The following MYO5A variants were observed in gnomAD, a reference collection of about 807,000 sequenced individuals.
MYO5A encodes the protein myosin VA.
MYO5A carries 98 observed loss-of-function variants against 249.7 expected under a neutral mutation model. The ratio of observed to expected loss-of-function variants is 0.39; its 90% CI spans 0.33 to 0.46. MYO5A has a LOEUF of 0.46. Among genes scored for constraint, MYO5A ranks in the 20% least tolerant of loss-of-function variants. The pLI is 0.98. For synonymous variants in MYO5A, 778 were observed against 810.6 expected (o/e 0.96, Z 0.68); for missense variants, 1,696 against 2,308.8 (o/e 0.73, Z 5.44).
intron 8 of MYO5A, among the ~76,000 whole-genome samples, chr15:52,405,665 C>T (rs1172069570): frequency 6.6e-6 from 1 of 152,166 alleles, no homozygotes; most frequent in Non-Finnish European, 1.5e-5. Context: ...GGACAGGTAG[C>T]TTCAGTATTC....
At chr15:52,513,448 T>TGG in intron 1 of MYO5A, among the ~76,000 whole-genome samples, 1 of 138,204 alleles carries the variant, frequency 7.2e-6, no homozygotes, top group Non-Finnish European at 1.6e-5. Context: ...AAAAAAGGCA[T>TGG]AGTTTTGCTC....
intron 20 of MYO5A, among the ~76,000 whole-genome samples, chr15:52,374,102 T>C (rs891972518): frequency 6.6e-6 from 1 of 152,182 alleles, no homozygotes; most frequent in African/African-American, 2.4e-5. Context: ...TATTTCTCAC[T>C]GATTTGAAAT....
intron 1 of MYO5A, among the ~76,000 whole-genome samples, chr15:52,438,361 A>G (rs1037349675): frequency 3.3e-5 from 5 of 152,206 alleles, no homozygotes; most frequent in African/African-American, 9.6e-5. Flanking sequence ...GGAATCAGAA[A>G]CAAGGATAGA....
At chr15:52,362,428 T>C (rs1184349522) in intron 24 of MYO5A, among the ~76,000 whole-genome samples, 8 of 152,266 alleles carry the variant, frequency 5.3e-5, no homozygotes, top group Admixed American at 5.2e-4. Context: ...ACTAATATTT[T>C]AATTGTCATG....
chr15:52,525,351 G>A (rs1248552965), intron 1 of MYO5A, among the ~76,000 whole-genome samples: 5 of 152,262 alleles, frequency 3.3e-5, no homozygotes, highest in East Asian at 1.9e-4. Flanking sequence ...CAAAATATTC[G>A]TTTCCAGACA....
In MYO5A at chr15:52,432,724, T is replaced by C. The variant is rs2075568236; in HGVS notation, c.138+451A>G. 2.6e-5 allele frequency among the ~76,000 whole-genome samples: 4 copies of C among 152,312 alleles called. No individual in the cohort carries two copies. The South Asian group carries it at 8.3e-4, about 32-fold the overall frequency. On this transcript the variant is annotated intron_variant, in intron 2 of 41. Transcript: ENST00000399233. ...TAAATAAGTTAATTCCCTAGTTTGG[T>C]ATTAAAAGCCCTCCTAATTGGCCTA...
intron 2 of MYO5A, among the ~76,000 whole-genome samples, chr15:52,432,571 C>G (rs1043906515): frequency 3.3e-5 from 5 of 152,202 alleles, no homozygotes; most frequent in African/African-American, 1.2e-4. Flanking sequence ...TGAAGTTTGG[C>G]TTTCTTATTT....
Position 52,376,492 on chromosome 15 carries a change from C to G in MYO5A, c.2275G>C (p.Glu759Gln). ...FFRAGQVAYL[E>Q]KLRADKLRAA... ...CTCAGTTTGTCAGCTCTCAATTTTT[C>G]TAGATAGGCCACTTGACCGGCACGG... Residue 759 changes from glutamate to glutamine, a missense_variant, in exon 19 of 42, where the codon GAA (glutamate) becomes CAA (glutamine). By Grantham distance (29) the Glu-to-Gln change is conservative. This residue lies in a region of MYO5A where 277 missense variants were observed against 422.4 expected (regional missense o/e 0.66). Transcript: ENST00000399233. 1 of 1,614,156 alleles carries G rather than the reference C, an allele frequency of 6.2e-7. No homozygotes were observed.
intron 18 of MYO5A, among the ~76,000 whole-genome samples, chr15:52,378,660 A>G (rs187146541): frequency 1.3e-5 from 2 of 151,942 alleles, no homozygotes; most frequent in East Asian, 3.9e-4. Context: ...TTTAGTTCAC[A>G]GCTAGTAATT....
intron 1 of MYO5A, among the ~76,000 whole-genome samples, chr15:52,488,807 TA>T (rs1567173267): frequency 6.6e-6 from 1 of 152,166 alleles, no homozygotes; most frequent in Non-Finnish European, 1.5e-5. Flanking sequence ...CTTTTCAAAA[TA>T]AAAAGTTTAA....
chr15:52,342,672 T>C (rs1257684001), intron 31 of MYO5A, among the ~76,000 whole-genome samples: 1 of 152,106 alleles, frequency 6.6e-6, no homozygotes, highest in African/African-American at 2.4e-5. Flanking sequence ...CCCAATACTT[T>C]GAGAGGCTCA....
Position 52,340,255 on chromosome 15 carries a change from C to T in MYO5A, c.4180G>A (p.Glu1394Lys). ...TGCAGGCTGGCCTCAATGCGGGCCTCTGGGGGCAGCTGCAGGTTCTGGGCC... is the reference window on the plus strand; with the variant it reads ...TGCAGGCTGGCCTCAATGCGGGCCTTTGGGGGCAGCTGCAGGTTCTGGGCC... ...LLAQNLQLPP[E>K]ARIEASLQHE... The change falls in exon 32 of 42, where the codon GAG (glutamate) becomes AAG (lysine). Residue 1394 changes from glutamate to lysine, a missense_variant. Coordinates refer to ENST00000399233, the MANE Select transcript of MYO5A (RefSeq NM_001382347.1). 6.2e-7 allele frequency: 1 copy of T among 1,614,084 alleles called. No individual in the cohort carries two copies. Among genetic ancestry groups the T allele is most frequent in the Non-Finnish European group, 8.5e-7 (1 of 1,180,026 alleles).
At chr15:52,411,322 A>T (rs2043238133) in intron 5 of MYO5A, among the ~76,000 whole-genome samples, 1 of 152,246 alleles carries the variant, frequency 6.6e-6, no homozygotes, top group African/African-American at 2.4e-5. Flanking sequence ...GTAGAGTATT[A>T]GTATTACCCA....
rs755920808 is a variant in MYO5A at position 52,454,958 on chromosome 15, AAAAG to A, written c.28-21677_28-21674del. 2.2e-4 allele frequency among the ~76,000 whole-genome samples: 33 copies of A among 152,140 alleles called. 1 individual carries two copies. The highest frequency in any genetic ancestry group is 1.2e-3 in the East Asian group (6 of 5,184). On this transcript the variant is annotated intron_variant, in intron 1 of 41. Transcript: ENST00000399233. ...AAATCAAATCCAAAATTGGTAGAGG[AAAAG>A]AAATAATAAAGACCAGAGCAGAAAT...
In MYO5A at chr15:52,435,107, A is replaced by G. The variant is rs547569660; in HGVS notation, c.28-1822T>C. Among the ~76,000 whole-genome samples the G allele has an allele frequency of 6.6e-5, 10 of 152,342 alleles. No individual in the cohort carries two copies. In the East Asian group the frequency reaches 1.7e-3, roughly 26 times the overall value. ...TGTAACAAGGTCATTCCCAAGTACA[A>G]GAGAAATTTATATGACCCAGTGATG... On this transcript the variant is annotated intron_variant, in intron 1 of 41. Coordinates refer to ENST00000399233, the MANE Select transcript of MYO5A (RefSeq NM_001382347.1).
chr15:52,406,159 T>C (rs745981852), intron 8 of MYO5A, among the ~76,000 whole-genome samples: 1 of 152,208 alleles, frequency 6.6e-6, no homozygotes, highest in Non-Finnish European at 1.5e-5. Context: ...TATAATTACA[T>C]GCAAATAGAA....
intron 18 of MYO5A, 77 bp downstream of exon 18, chr15:52,379,548 C>A (rs1395756088): frequency 7.6e-7 from 1 of 1,324,234 alleles, no homozygotes; most frequent in Admixed American, 1.7e-5. Context: ...AAATGTTATA[C>A]AAAAGTTCCC....
chr15:52,386,052 C>T (rs955568930), intron 14 of MYO5A, among the ~76,000 whole-genome samples: 22 of 152,134 alleles, frequency 1.4e-4, no homozygotes, highest in African/African-American at 5.3e-4. Flanking sequence ...TGTGGTGGCT[C>T]ACACCTGTAA....
intron 1 of MYO5A, among the ~76,000 whole-genome samples, chr15:52,481,165 C>G (rs2076707253): frequency 6.6e-6 from 1 of 152,176 alleles, no homozygotes; most frequent in African/African-American, 2.4e-5. Context: ...CCAGTCAGCA[C>G]CGGTGCAGTA....
Sources: gnomAD v4.1 joint callset for allele counts (sites outside exome capture counted in the v4.1 genomes callset) on GRCh38, gnomAD v4.1.1 for gene constraint, gnomAD v4.1.1 regional missense constraint, MANE v1.5 for transcripts, NCBI Gene and HGNC (gene_info 2026-07-23, HGNC 2026-07-21) for gene names.